Variants in NBPF11 observed in about 807,000 individuals in gnomAD.
NBPF11 encodes NBPF member 11, also known as NBPF family member NBPF11.
Under a neutral mutation model 93.9 loss-of-function variants are expected in NBPF11, and 72 were observed. That is an observed-to-expected ratio of 0.77 (90% confidence interval 0.63 to 0.93). The LOEUF (loss-of-function observed/expected upper bound fraction) is 0.93. Among genes scored for constraint, NBPF11 ranks in the 40% least tolerant of loss-of-function variants. The pLI, the probability that NBPF11 is intolerant of heterozygous loss-of-function variation, is 0.00. For synonymous variants in NBPF11, 224 were observed against 304.9 expected (o/e 0.73, Z 2.76); for missense variants, 705 against 802.2 (o/e 0.88, Z 1.46).
At chr1:148,146,764 C>T (rs1221097740) in intron 1 of NBPF11, 14 of 1,613,126 alleles carry the variant, frequency 8.7e-6, no homozygotes, top group Non-Finnish European at 1.2e-5. Flanking sequence ...TGCCGTGGAC[C>T]TGGGCCAGAT....
chr1:148,142,556 G>C (rs1672361521), intron 2 of NBPF11, among the ~76,000 whole-genome samples: 1 of 151,978 alleles, frequency 6.6e-6, no homozygotes, highest in South Asian at 2.1e-4. Flanking sequence ...CATTCTCACT[G>C]GACTTCCCTC....
chr1:148,135,708 GCTGCTTCTTGGCAT>G lies in NBPF11; in HGVS notation c.-86_-73del. 1.4e-6 allele frequency: 1 copy of G among 693,454 alleles called. No homozygotes were observed. Among genetic ancestry groups the G allele is most frequent in the Non-Finnish European group, 2.6e-6 (1 of 390,312 alleles). The allele number at this position is 693,454 out of a possible 1,614,324, so 43.0% of individuals were successfully genotyped here. On this transcript the variant is annotated 5_prime_UTR_variant, in exon 4 of 24. It removes an upstream start codon present in the reference 5' UTR. Coordinates refer to ENST00000682118, the MANE Select transcript of NBPF11 (RefSeq NM_001385469.3). Reference sequence around the variant, plus strand: ...GGCTCACATTTGATCCCAACTGGCAGCTGCTTCTTGGCATTAACTTTGGATTCCCAACCAGTAAA... The same window carrying G: ...GGCTCACATTTGATCCCAACTGGCAGTAACTTTGGATTCCCAACCAGTAAA...
chr1:148,149,198 C>G, intron 1 of NBPF11: 1 of 1,569,000 alleles, frequency 6.4e-7, no homozygotes, highest in South Asian at 1.1e-5. Flanking sequence ...CCTGTACGGG[C>G]AGAGCATCGG....
intron 6 of NBPF11, among the ~76,000 whole-genome samples, chr1:148,124,616 G>A (rs1191442147): frequency 2.0e-5 from 3 of 151,764 alleles, no homozygotes; most frequent in Non-Finnish European, 4.4e-5. Context: ...TATACTGAAT[G>A]CTGCTGGGTG....
chr1:148,135,649 G>C (rs2149276248), intron 4 of NBPF11, 23 bp downstream of exon 4: 1 of 605,162 alleles, frequency 1.7e-6, no homozygotes, highest in African/African-American at 2.0e-5. Flanking sequence ...CTTTCAGAAA[G>C]CTCTCTGTGT....
intron 1 of NBPF11, chr1:148,146,302 A>G: frequency 7.4e-7 from 1 of 1,354,026 alleles, no homozygotes; most frequent in Non-Finnish European, 9.4e-7. Flanking sequence ...CCTGCCCGCG[A>G]CTCGGAGCAC....
At chr1:148,151,175 CCA>C in intron 1 of NBPF11, among the ~76,000 whole-genome samples, 1 of 152,000 alleles carries the variant, frequency 6.6e-6, no homozygotes, top group East Asian at 1.9e-4. Flanking sequence ...ACACCACAGT[CCA>C]ACCTACCAGA....
At chr1:148,149,303 G>A (rs1647630161) in intron 1 of NBPF11, 2 of 1,596,930 alleles carry the variant, frequency 1.3e-6, no homozygotes, top group Non-Finnish European at 1.7e-6. Flanking sequence ...CGCCTTCCGC[G>A]ACACCAAGAA....
intron 15 of NBPF11, among the ~76,000 whole-genome samples, chr1:148,111,283 A>T (rs1665196817): frequency 6.6e-6 from 1 of 152,104 alleles, no homozygotes; most frequent in Non-Finnish European, 1.5e-5. Context: ...AGATAAAACC[A>T]CAAAGGTGGG....
chr1:148,151,591 T>A (rs1371030668), intron 1 of NBPF11, 159 bp downstream of exon 1: 1 of 151,896 alleles, frequency 6.6e-6, no homozygotes, highest in Non-Finnish European at 1.5e-5. Context: ...GCAGGGAACT[T>A]AGGCCCCGGC....
rs1243128359 is a variant in NBPF11 at position 148,113,173 on chromosome 1, G to A, written c.1637+1264C>T. On this transcript the variant is annotated intron_variant, in intron 15 of 23. Coordinates refer to ENST00000682118, the MANE Select transcript of NBPF11 (RefSeq NM_001385469.3). Reference sequence around the variant, plus strand: ...TGCCCCAGTTAAAAAACACAGAATGGCAAATTGGATAAAGAGTCAAGACCC... The same window carrying A: ...TGCCCCAGTTAAAAAACACAGAATGACAAATTGGATAAAGAGTCAAGACCC... Among the ~76,000 whole-genome samples the A allele has an allele frequency of 3.3e-5, 5 of 152,112 alleles. No individual in the cohort carries two copies. The East Asian group carries it at 9.6e-4, about 29-fold the overall frequency.
At chr1:148,105,847 C>G (rs1450750302) in intron 21 of NBPF11, among the ~76,000 whole-genome samples, 2 of 139,660 alleles carry the variant, frequency 1.4e-5, no homozygotes, top group Non-Finnish European at 3.0e-5. Flanking sequence ...ACAGGACACT[C>G]TGAGTTAGTG....
intron 5 of NBPF11, 101 bp downstream of exon 5, chr1:148,126,728 G>C (rs1361079877): frequency 2.6e-6 from 2 of 781,332 alleles, no homozygotes; most frequent in African/African-American, 3.5e-5. Flanking sequence ...ACCCATTTCT[G>C]TTTTCCTAGA....
chr1:148,134,059 C>T (rs1325378832), intron 4 of NBPF11, among the ~76,000 whole-genome samples: 8 of 152,004 alleles, frequency 5.3e-5, no homozygotes, highest in Non-Finnish European at 2.9e-5. Context: ...GCAGGGAGGG[C>T]AAATCCATGC....
At chr1:148,115,472 T>C (rs1367743152) in intron 14 of NBPF11, among the ~76,000 whole-genome samples, 1 of 150,856 alleles carries the variant, frequency 6.6e-6, no homozygotes, top group African/African-American at 2.5e-5. Context: ...ATGGACATTG[T>C]TCAGGGACAG....
chr1:148,115,136 G>A (rs1461370195), intron 14 of NBPF11, among the ~76,000 whole-genome samples: 45 of 93,514 alleles, frequency 4.8e-4, no homozygotes, highest in Non-Finnish European at 7.1e-4. Flanking sequence ...CTGCACTCCA[G>A]CCTAGGTGAC....
chr1:148,111,147 T>C (rs1331790605), intron 15 of NBPF11, among the ~76,000 whole-genome samples: 3 of 150,176 alleles, frequency 2.0e-5, no homozygotes, highest in African/African-American at 7.4e-5. Flanking sequence ...CCAACAGACC[T>C]GAAGCTGAGG....
rs1311801516 is a variant in NBPF11 at position 148,143,200 on chromosome 1, A to G, written c.-277+215T>C. Among the ~76,000 whole-genome samples the G allele has an allele frequency of 5.9e-5, 9 of 152,036 alleles. No individual in the cohort carries two copies. The East Asian group carries it at 1.7e-3, about 29-fold the overall frequency. On this transcript the variant is annotated intron_variant, in intron 2 of 23. Transcript: ENST00000682118. ...GAGAACATGTCCTCTCCTGAAGTAA[A>G]ATCACTTTCACCCGACCATGGCACT... is the stretch of plus-strand genomic sequence containing the variant.
intron 23 of NBPF11, among the ~76,000 whole-genome samples, 181 bp downstream of exon 23, chr1:148,104,356 A>T (rs1663019156): frequency 1.4e-5 from 2 of 147,290 alleles, no homozygotes; most frequent in Non-Finnish European, 1.5e-5. Context: ...ACGTTAGTAA[A>T]TGATAAGGGG....
Sources: allele counts gnomAD v4.1 joint callset (sites outside exome capture counted in the v4.1 genomes callset), GRCh38; gene constraint gnomAD v4.1.1; transcripts MANE v1.5; gene names NCBI Gene and HGNC (gene_info 2026-07-23, HGNC 2026-07-21).